CDK20: variants seen among roughly 807,000 people sequenced by gnomAD.
The protein encoded by CDK20 is cyclin-dependent kinase 20.
CDK20 carries 40 observed loss-of-function variants against 38.6 expected under a neutral mutation model. The observed-to-expected ratio is 1.04, with a 90% CI of 0.81 to 1.35. The LOEUF (loss-of-function observed/expected upper bound fraction) is 1.35, where lower values mean the gene tolerates loss of function less well. Ranked by LOEUF, CDK20 falls within the 40% of genes most tolerant of loss-of-function variation. The pLI is 0.00. For missense variants in CDK20, 512 were observed against 452.6 expected, an observed-to-expected ratio of 1.13 and a Z score of -1.19; for synonymous variants, 209 against 185.7, an observed-to-expected ratio of 1.13 and a Z score of -1.02.
chr9:87,970,689 C>T (rs1347711089), intron 4 of CDK20, 59 bp from the exon 5 acceptor site: 14 of 1,612,968 alleles, frequency 8.7e-6, no homozygotes, highest in Non-Finnish European at 1.1e-5. Context: ...GGGAGGTGAC[C>T]CCAGCCCCAC....
At chr9:87,969,992 T>C in intron 5 of CDK20, 73 bp from the exon 6 acceptor site, 2 of 1,453,124 alleles carry the variant, frequency 1.4e-6, no homozygotes, top group Non-Finnish European at 1.8e-6. Context: ...AGAGCAGCTC[T>C]AACACTGCAC....
At position 87,974,430 on chromosome 9, in the gene CDK20, A is replaced by G. The variant is rs775986857; in HGVS notation, c.17T>C (p.Ile6Thr). MDQYCILGRIGEGAHG... is the reference protein window; with the variant it reads MDQYCTLGRIGEGAHG... ...GGCGCCCTCCCCGATGCGGCCCAGG[A>G]TGCAGTACTGGTCCATCCCGCTGCA... The change falls in exon 1 of 8, where the codon ATC (isoleucine) becomes ACC (threonine). Residue 6 changes from isoleucine to threonine, a missense_variant. Ile to Thr is a moderately conservative substitution (Grantham distance 89). Transcript: ENST00000325303. The G allele has an allele frequency of 8.1e-5, 131 of 1,612,664 alleles. No individual in the cohort carries two copies. Among genetic ancestry groups the G allele is most frequent in the Non-Finnish European group, 1.6e-5 (19 of 1,179,920 alleles).
At chr9:87,974,226 C>CAT in intron 1 of CDK20, 146 bp downstream of exon 1, 1 of 1,217,462 alleles carries the variant, frequency 8.2e-7, no homozygotes. Context: ...CGGAGGGAAG[C>CAT]GCAACGGCCC....
intron 6 of CDK20, 144 bp downstream of exon 6, chr9:87,969,652 C>G (rs1829709224): frequency 1.5e-6 from 2 of 1,326,060 alleles, no homozygotes; most frequent in African/African-American, 2.9e-5. Flanking sequence ...GGAGGAAGCC[C>G]TGAGTTGGGC....
chr9:87,967,287 C>T lies in CDK20; in HGVS notation c.*175G>A. Reference sequence around the variant, plus strand: ...CGACTGGATGTTCTCATACTCTTGGCTGGGAACATGACCTCTGCCTCGAGA... The same window carrying T: ...CGACTGGATGTTCTCATACTCTTGGTTGGGAACATGACCTCTGCCTCGAGA... On this transcript the variant is annotated 3_prime_UTR_variant, in exon 8 of 8. Coordinates refer to ENST00000325303, the MANE Select transcript of CDK20 (RefSeq NM_001039803.3). 1 of 722,720 alleles carries T rather than the reference C, an allele frequency of 1.4e-6. No individual in the cohort carries two copies. The highest frequency in any genetic ancestry group is 2.5e-6 in the Non-Finnish European group (1 of 401,672). The allele number at this position is 722,720 out of a possible 1,614,324, so 44.8% of individuals were successfully genotyped here.
rs1056698515 is a variant in CDK20 at position 87,966,984 on chromosome 9, T to C, written c.*478A>G. On this transcript the variant is annotated 3_prime_UTR_variant, in exon 8 of 8. Coordinates refer to ENST00000325303, the MANE Select transcript of CDK20 (RefSeq NM_001039803.3). ...ATAAGGCAGAGCCACCTGAGGTTTTTAGAATCTATATCTCACATACTGAAC... is the reference window on the plus strand; with the variant it reads ...ATAAGGCAGAGCCACCTGAGGTTTTCAGAATCTATATCTCACATACTGAAC... 8 of 459,662 alleles carry C rather than the reference T, an allele frequency of 1.7e-5. No homozygotes were observed. Among genetic ancestry groups the C allele is most frequent in the African/African-American group, 4.0e-5 (2 of 50,560 alleles). 28.5% of individuals were successfully genotyped at this position (459,662 alleles called of 1,614,324 possible). A position where few individuals can be genotyped will look rare whatever the true frequency, so the allele number is the denominator to read the frequency against.
Position 87,967,349 on chromosome 9 carries a change from TG to T in CDK20, c.*112del. 2 of 1,033,452 alleles carry T rather than the reference TG, an allele frequency of 1.9e-6. No homozygotes were observed. The highest frequency in any genetic ancestry group is 3.0e-6 in the Non-Finnish European group (2 of 676,152). 64.0% of individuals were successfully genotyped at this position (1,033,452 alleles called of 1,614,324 possible). On this transcript the variant is annotated 3_prime_UTR_variant, in exon 8 of 8. Transcript: ENST00000325303. ...AAGGGCTAAGGGGCAGGGTGTGGTG[TG>T]GGCCCACTGTGGCCATGGGGAGGCC...
chr9:87,967,031 A>AT lies in CDK20; in HGVS notation c.*430dup. 1 of 518,900 alleles carries AT rather than the reference A, an allele frequency of 1.9e-6. No individual in the cohort carries two copies. The highest frequency in any genetic ancestry group is 3.8e-6 in the Non-Finnish European group (1 of 260,874). The allele number at this position is 518,900 out of a possible 1,614,324, so 32.1% of individuals were successfully genotyped here. The stretch of plus-strand genomic sequence containing the variant: ...GAACTAGTGTTTAATGGCTCTGAGA[A>AT]TAAAACCAAACCAAATCTTCCTTCC... On this transcript the variant is annotated 3_prime_UTR_variant, in exon 8 of 8. Coordinates refer to ENST00000325303, the MANE Select transcript of CDK20 (RefSeq NM_001039803.3).
intron 2 of CDK20, among the ~76,000 whole-genome samples, chr9:87,972,717 C>CT (rs1204784084): frequency 6.6e-6 from 1 of 152,180 alleles, no homozygotes; most frequent in East Asian, 1.9e-4. Context: ...AGGAGCAAAT[C>CT]TAGAGTATGT....
At chr9:87,972,440 G>T (rs776764047) in intron 2 of CDK20, among the ~76,000 whole-genome samples, 8 of 152,128 alleles carry the variant, frequency 5.3e-5, no homozygotes, top group African/African-American at 1.9e-4. Context: ...TGTCTGCCTT[G>T]TTCTGTGCTC....
chr9:87,967,549 G>T lies in CDK20; in HGVS notation c.954C>A (p.Pro318=), dbSNP rs374163052. ...GPAPKAHPGP[P]HIHDFHVDRP... is the part of the protein sequence containing the mutation. Reference sequence around the variant, plus strand: ...GGTCCACGTGGAAGTCATGGATGTGGGGGGGCCCTGGATGGGCCTTGGGGG... The same window carrying T: ...GGTCCACGTGGAAGTCATGGATGTGTGGGGGCCCTGGATGGGCCTTGGGGG... The change falls in exon 8 of 8, where the codon CCC becomes CCA. Residue 318 remains proline (P), a synonymous_variant. Transcript: ENST00000325303. 98 of 1,553,104 alleles carry T rather than the reference G, an allele frequency of 6.3e-5. No individual in the cohort carries two copies. In the Middle Eastern group the frequency reaches 6.6e-4, roughly 11 times the overall value.
intron 6 of CDK20, 119 bp downstream of exon 6, chr9:87,969,677 C>T: frequency 2.0e-6 from 3 of 1,482,330 alleles, no homozygotes; most frequent in Non-Finnish European, 2.8e-6. Context: ...ACAGTGGTCC[C>T]TGTCCATCAA....
rs1486384814 is a variant in CDK20 at position 87,971,329 on chromosome 9, G to T, written c.196C>A (p.Gln66Lys). ...QEMEDNQYVV[Q>K]LKAVFPHGGG... Reference sequence around the variant, plus strand: ...CCGTGTGGGAACACAGCCTTCAGTTGTACCACCTGTGGGCAGGACATCTTG... The same window carrying T: ...CCGTGTGGGAACACAGCCTTCAGTTTTACCACCTGTGGGCAGGACATCTTG... Residue 66 changes from glutamine (Q) to lysine (K), a missense_variant, in exon 3 of 8, where the codon CAA (glutamine) becomes AAA (lysine). By Grantham distance (53) the Gln-to-Lys change is moderately conservative. Coordinates refer to ENST00000325303, the MANE Select transcript of CDK20 (RefSeq NM_001039803.3). 1 of 1,611,758 alleles carries T rather than the reference G, an allele frequency of 6.2e-7. No homozygotes were observed. Among genetic ancestry groups the T allele is most frequent in the South Asian group, 1.1e-5 (1 of 90,646 alleles).
At position 87,966,924 on chromosome 9, in the gene CDK20, C is replaced by T. The variant is rs1350102989; in HGVS notation, c.*538G>A. ...GAGCCATGAGACAATGCCACCTTAG[C>T]CATTTCCCTTGAGAGAAATGAAGGA... On this transcript the variant is annotated 3_prime_UTR_variant, in exon 8 of 8. Coordinates refer to ENST00000325303, the MANE Select transcript of CDK20 (RefSeq NM_001039803.3). 1 of 399,090 alleles carries T rather than the reference C, an allele frequency of 2.5e-6. No individual in the cohort carries two copies. The highest frequency in any genetic ancestry group is 5.0e-6 in the Non-Finnish European group (1 of 198,036). The allele number at this position is 399,090 out of a possible 1,614,324, so 24.7% of individuals were successfully genotyped here. A position where few individuals can be genotyped will look rare whatever the true frequency, so the allele number is the denominator to read the frequency against.
At chr9:87,968,230 C>T (rs909974110) in intron 7 of CDK20, 1 of 152,898 alleles carries the variant, frequency 6.5e-6, no homozygotes, top group Non-Finnish European at 1.5e-5. Flanking sequence ...ACAGGAGGGC[C>T]CTGGCAGAGA....
At position 87,966,986 on chromosome 9, in the gene CDK20, G is replaced by A; in HGVS notation, c.*476C>T. The A allele has an allele frequency of 2.2e-6, 1 of 461,536 alleles. No homozygotes were observed. Among genetic ancestry groups the A allele is most frequent in the South Asian group, 1.5e-5 (1 of 65,096 alleles). 28.6% of individuals were successfully genotyped at this position (461,536 alleles called of 1,614,324 possible). ...AAGGCAGAGCCACCTGAGGTTTTTA[G>A]AATCTATATCTCACATACTGAACTA... On this transcript the variant is annotated 3_prime_UTR_variant, in exon 8 of 8. Transcript: ENST00000325303.
Position 87,967,323 on chromosome 9 carries a change from C to CA in CDK20, c.*138dup. 1 of 860,662 alleles carries CA rather than the reference C, an allele frequency of 1.2e-6. No homozygotes were observed. Among genetic ancestry groups the CA allele is most frequent in the Non-Finnish European group, 1.9e-6 (1 of 521,154 alleles). The allele number at this position is 860,662 out of a possible 1,614,324, so 53.3% of individuals were successfully genotyped here. ...ACCTCTGCCTCGAGACCAACCCTCG[C>CA]AAGGGCTAAGGGGCAGGGTGTGGTG... On this transcript the variant is annotated 3_prime_UTR_variant, in exon 8 of 8. Transcript: ENST00000325303.
At chr9:87,974,129 C>A in intron 1 of CDK20, 94 bp from the exon 2 acceptor site, 2 of 1,589,408 alleles carry the variant, frequency 1.3e-6, no homozygotes, top group Non-Finnish European at 1.7e-6. Context: ...GAGAGACACG[C>A]GCCCCCGGCT....
At chr9:87,969,765 C>T in intron 6 of CDK20, 31 bp downstream of exon 6, 1 of 1,613,312 alleles carries the variant, frequency 6.2e-7, no homozygotes, top group Non-Finnish European at 8.5e-7. Context: ...AAACCTGCCC[C>T]ACACCCACCT....
Sources: allele counts gnomAD v4.1 joint callset (sites outside exome capture counted in the v4.1 genomes callset), GRCh38; gene constraint gnomAD v4.1.1; transcripts MANE v1.5; gene names NCBI Gene and HGNC (gene_info 2026-07-23, HGNC 2026-07-21).